Variants in YTHDF2 observed in about 807,000 individuals in gnomAD.
The protein encoded by YTHDF2 is YTH N6-methyladenosine RNA binding protein F2.
In YTHDF2, 2 loss-of-function variants were observed where a neutral mutation model predicts 50.4. That is an observed-to-expected ratio of 0.04 (90% confidence interval 0.02 to 0.12). The LOEUF is 0.12. Ranked by LOEUF, YTHDF2 falls within the 10% of genes least tolerant of loss-of-function variation. YTHDF2 has a pLI of 1.00. For synonymous variants in YTHDF2, 217 were observed against 255.6 expected, an observed-to-expected ratio of 0.85 and a Z score of 1.44; for missense variants, 483 against 722.6, an observed-to-expected ratio of 0.67 and a Z score of 3.80.
chr1:28,738,390 C>T lies in YTHDF2; in HGVS notation c.132+52C>T, dbSNP rs775294667. ...AATCGAAGGGTGTGGTATATTCTTT[C>T]TCCGCCTTCTACCAATAAATCCCAT... On this transcript the variant is annotated intron_variant, in intron 3 of 4. Coordinates refer to ENST00000373812, the MANE Select transcript of YTHDF2 (RefSeq NM_016258.3). 2.9e-6 allele frequency: 4 copies of T among 1,387,162 alleles called. No individual in the cohort carries two copies. In the South Asian group the frequency reaches 3.6e-5, roughly 13 times the overall value. 85.9% of individuals were successfully genotyped at this position (1,387,162 alleles called of 1,614,324 possible).
chr1:28,761,562 A>T (rs1287496886), intron 4 of YTHDF2, among the ~76,000 whole-genome samples: 1 of 152,042 alleles, frequency 6.6e-6, no homozygotes, highest in African/African-American at 2.4e-5. Context: ...ACATGGAGAA[A>T]CCCCGTCTCT....
chr1:28,751,089 T>C (rs896856690), intron 4 of YTHDF2, among the ~76,000 whole-genome samples: 3 of 19,058 alleles, frequency 1.6e-4, no homozygotes, highest in South Asian at 8.5e-4. Flanking sequence ...CGAGACTGTC[T>C]CAAAAAAAAA....
chr1:28,757,427 T>A (rs2088050002), intron 4 of YTHDF2, among the ~76,000 whole-genome samples: 1 of 105,870 alleles, frequency 9.4e-6, no homozygotes, highest in Non-Finnish European at 2.3e-5. Flanking sequence ...GGCTGGCAGT[T>A]GTTCTACTTT....
intron 4 of YTHDF2, 115 bp from the exon 5 acceptor site, chr1:28,768,814 T>A (rs1179037112): frequency 1.2e-6 from 1 of 823,830 alleles, no homozygotes; most frequent in Non-Finnish European, 1.8e-6. Context: ...AATAATTAAT[T>A]TTCTAATAAT....
intron 4 of YTHDF2, among the ~76,000 whole-genome samples, chr1:28,751,272 T>C (rs1276767399): frequency 6.6e-6 from 1 of 151,766 alleles, no homozygotes; most frequent in Non-Finnish European, 1.5e-5. Context: ...AATTCAAGTT[T>C]CTGTGATATA....
chr1:28,751,582 GATAAA>G (rs2087953443), intron 4 of YTHDF2, among the ~76,000 whole-genome samples: 2 of 152,180 alleles, frequency 1.3e-5, no homozygotes, highest in South Asian at 4.1e-4. Flanking sequence ...TTTGTGAATA[GATAAA>G]ACGCCTCTTT....
intron 4 of YTHDF2, among the ~76,000 whole-genome samples, chr1:28,768,155 G>A (rs1218259495): frequency 6.6e-6 from 1 of 151,902 alleles, no homozygotes; most frequent in African/African-American, 2.4e-5. Context: ...CGAAGATCGC[G>A]CCATTGTACT....
At chr1:28,747,934 G>A (rs2124178088) in intron 4 of YTHDF2, among the ~76,000 whole-genome samples, 1 of 151,118 alleles carries the variant, frequency 6.6e-6, no homozygotes, top group East Asian at 2.0e-4. Flanking sequence ...GACCATCCTG[G>A]CTAACATGGT....
chr1:28,737,373 C>T (rs903000368), intron 1 of YTHDF2: 3 of 634,068 alleles, frequency 4.7e-6, no homozygotes, highest in Non-Finnish European at 7.7e-6. Context: ...GCCGCGTTCC[C>T]TTCTCTCGGC....
rs991320983 is a variant in YTHDF2 at position 28,741,443 on chromosome 1, G to A, written c.133-960G>A. Among the ~76,000 whole-genome samples the A allele has an allele frequency of 2.6e-5, 4 of 152,260 alleles. No homozygotes were observed. In the South Asian group the frequency reaches 8.3e-4, roughly 32 times the overall value. ...CTCCTGAGTAGCTGGGCCTACAAGTGTGTGCCACCATGCCTAGCTAATTTT... is the reference window on the plus strand; with the variant it reads ...CTCCTGAGTAGCTGGGCCTACAAGTATGTGCCACCATGCCTAGCTAATTTT... On this transcript the variant is annotated intron_variant, in intron 3 of 4. Coordinates refer to ENST00000373812, the MANE Select transcript of YTHDF2 (RefSeq NM_016258.3).
chr1:28,745,320 A>C (rs1009228477), intron 4 of YTHDF2, among the ~76,000 whole-genome samples: 1 of 152,222 alleles, frequency 6.6e-6, no homozygotes, highest in African/African-American at 2.4e-5. Context: ...TACACTTGTC[A>C]GTGACACTAA....
At chr1:28,763,756 A>ATTT (rs34426132) in intron 4 of YTHDF2, among the ~76,000 whole-genome samples, 3 of 144,718 alleles carry the variant, frequency 2.1e-5, no homozygotes, top group Admixed American at 1.4e-4. Flanking sequence ...TGCCCAGCCA[A>ATTT]TTTTTTTTTT....
intron 4 of YTHDF2, among the ~76,000 whole-genome samples, chr1:28,764,416 G>A (rs955202855): frequency 6.7e-4 from 101 of 151,628 alleles, no homozygotes; most frequent in African/African-American, 2.3e-3. Flanking sequence ...GATTACAGGC[G>A]CCCACCACCA....
At chr1:28,760,188 G>A (rs2088097707) in intron 4 of YTHDF2, among the ~76,000 whole-genome samples, 1 of 151,958 alleles carries the variant, frequency 6.6e-6, no homozygotes, top group South Asian at 2.1e-4. Context: ...TTTACAATTA[G>A]CCTTTCTTTT....
At position 28,743,887 on chromosome 1, in the gene YTHDF2, G is replaced by C. The variant is rs1262169340; in HGVS notation, c.1617G>C (p.Gln539His). Residue 539 changes from glutamine to histidine, a missense_variant, in exon 4 of 5, where the codon CAG (glutamine) becomes CAC (histidine). Gln to His is a conservative substitution (Grantham distance 24, BLOSUM62 0). Transcript: ENST00000373812. This position sits in a 1 kb window ranked among gnomAD's most constrained non-coding sequence, Gnocchi z 6.9. ...AAGTGCCTCTGGAAAAGGCTAAGCA[G>C]GTGTTGAAAATTATAGCCAGCTACA... The part of the protein sequence containing the change: ...TQEVPLEKAK[Q>H]VLKIIASYKH... 6.2e-7 allele frequency: 1 copy of C among 1,610,798 alleles called. No homozygotes were observed. Among genetic ancestry groups the C allele is most frequent in the Non-Finnish European group, 8.5e-7 (1 of 1,178,944 alleles).
At position 28,759,916 on chromosome 1, in the gene YTHDF2, AC is replaced by A. The variant is rs553758824; in HGVS notation, c.1717-9012del. On this transcript the variant is annotated intron_variant, in intron 4 of 4. Transcript: ENST00000373812. ...GGTTGCAGTGAGCTGAGATTGAGCCACTGTGCTCCAGCGTGGGCAACAGAGC... is the reference window on the plus strand; with the variant it reads ...GGTTGCAGTGAGCTGAGATTGAGCCATGTGCTCCAGCGTGGGCAACAGAGC... Among the ~76,000 whole-genome samples, 312 of 152,366 alleles carry A rather than the reference AC, an allele frequency of 2.0e-3. 1 individual carries two copies. Among genetic ancestry groups the A allele is most frequent in the African/African-American group, 7.0e-3 (292 of 41,584 alleles).
chr1:28,756,105 G>C (rs552571433), intron 4 of YTHDF2, among the ~76,000 whole-genome samples: 32 of 152,130 alleles, frequency 2.1e-4, no homozygotes, highest in Non-Finnish European at 4.6e-4. Flanking sequence ...CTTTATCTTT[G>C]TGTTTGCAGA....
In YTHDF2 at chr1:28,737,010, G is replaced by T. The variant is rs1294901915; in HGVS notation, c.-111G>T. ...CTCCGCTGCGTCCGCCGAGGCCCCC[G>T]AGTGTCAGGGACAAAAGCCTCCGCC... is the stretch of plus-strand genomic sequence containing the variant. On this transcript the variant is annotated 5_prime_UTR_variant, in exon 1 of 5. Coordinates refer to ENST00000373812, the MANE Select transcript of YTHDF2 (RefSeq NM_016258.3). 2.2e-6 allele frequency: 3 copies of T among 1,385,248 alleles called. No homozygotes were observed. The highest frequency in any genetic ancestry group is 1.5e-5 in the African/African-American group (1 of 67,932). 85.8% of individuals were successfully genotyped at this position (1,385,248 alleles called of 1,614,324 possible). A position where few individuals can be genotyped will look rare whatever the true frequency, so the allele number is the denominator to read the frequency against.
chr1:28,746,150 A>T (rs549222605), intron 4 of YTHDF2, among the ~76,000 whole-genome samples: 1 of 152,180 alleles, frequency 6.6e-6, no homozygotes, highest in Non-Finnish European at 1.5e-5. Context: ...CTAGAGGGAC[A>T]AGTAAGGAGG....
Sources: gnomAD v4.1 joint callset for allele counts (sites outside exome capture counted in the v4.1 genomes callset) on GRCh38, gnomAD v4.1.1 for gene constraint, Gnocchi (gnomAD v3.1) non-coding constraint, MANE v1.5 for transcripts, NCBI Gene and HGNC (gene_info 2026-07-23, HGNC 2026-07-21) for gene names.